LY9: variants seen among roughly 807,000 people sequenced by gnomAD.
LY9 encodes the protein lymphocyte antigen 9.
A neutral mutation model predicts 64.6 loss-of-function variants in LY9; 59 were observed. The ratio of observed to expected loss-of-function variants is 0.91; its 90% CI spans 0.74 to 1.13. The LOEUF (loss-of-function observed/expected upper bound fraction) is 1.13, where lower values mean the gene tolerates loss of function less well. Among genes scored for constraint, LY9 ranks in the 50% most tolerant of loss-of-function variants. The pLI is 0.00. For synonymous variants in LY9, 281 were observed against 308.5 expected, an observed-to-expected ratio of 0.91 and a Z score of 0.93; for missense variants, 789 against 797.2, an observed-to-expected ratio of 0.99 and a Z score of 0.12.
At position 160,823,671 on chromosome 1, in the gene LY9, G is replaced by A. The variant is rs141288656; in HGVS notation, c.1705G>A (p.Glu569Lys). ...RYEVFDQVTQ[E>K]GAGHDPAPEG... ...TGAGGTATTTGACCAGGTCACTCAG[G>A]AGGGCGCTGGACATGACCCAGCCCC... The change falls in exon 8 of 10, where the codon GAG (glutamate) becomes AAG (lysine). Residue 569 changes from glutamate (E) to lysine (K), a missense_variant. Glu to Lys is a moderately conservative substitution (Grantham distance 56). Coordinates refer to ENST00000263285, the MANE Select transcript of LY9 (RefSeq NM_002348.4). 8.7e-6 allele frequency: 14 copies of A among 1,613,994 alleles called. No homozygotes were observed. In the African/African-American group the frequency reaches 1.6e-4, roughly 18 times the overall value.
intron 2 of LY9, among the ~76,000 whole-genome samples, chr1:160,801,127 T>C (rs1368675081): frequency 6.6e-6 from 1 of 152,244 alleles, no homozygotes; most frequent in Non-Finnish European, 1.5e-5. Context: ...TGTTTAGTTT[T>C]TTGAGAAATC....
chr1:160,797,032 A>C, intron 1 of LY9: 3 of 748,310 alleles, frequency 4.0e-6, no homozygotes, highest in Non-Finnish European at 4.9e-6. Context: ...GGGGACCTGG[A>C]CGCGGTTAGG....
At chr1:160,809,230 G>A (rs1482866503) in intron 2 of LY9, among the ~76,000 whole-genome samples, 7 of 150,458 alleles carry the variant, frequency 4.7e-5, no homozygotes, top group African/African-American at 1.7e-4. Context: ...ACATCACCTA[G>A]GCTTGCCTCC....
At chr1:160,797,072 A>G in intron 1 of LY9, 1 of 982,144 alleles carries the variant, frequency 1.0e-6, no homozygotes, top group Non-Finnish European at 1.2e-6. Flanking sequence ...GTTTATCTGG[A>G]TATCCTTTTC....
intron 4 of LY9, 34 bp downstream of exon 4, chr1:160,814,795 T>G: frequency 1.9e-6 from 3 of 1,559,640 alleles, no homozygotes; most frequent in Non-Finnish European, 2.6e-6. Flanking sequence ...ATCACCAGAT[T>G]CCTTCTCTGA....
In LY9 at chr1:160,819,361, A is replaced by C; in HGVS notation, c.1485A>C (p.Pro495=). The C allele has an allele frequency of 6.2e-7, 1 of 1,613,572 alleles. No individual in the cohort carries two copies. The highest frequency in any genetic ancestry group is 8.5e-7 in the Non-Finnish European group (1 of 1,179,552). Residue 495 remains proline (P), a synonymous_variant, in exon 7 of 10, where the codon CCA becomes CCC. Coordinates refer to ENST00000263285, the MANE Select transcript of LY9 (RefSeq NM_002348.4). ...TCTGTTCCAGCCAAGCTGAGGCCCCAGCGGATACACCAGGTAACATCACCC... is the reference window on the plus strand; with the variant it reads ...TCTGTTCCAGCCAAGCTGAGGCCCCCGCGGATACACCAGGTAACATCACCC... The part of the protein sequence containing the change: ...PAFCSSQAEA[P]ADTPEPTAGH...
chr1:160,801,372 T>A (rs533711822), intron 2 of LY9, among the ~76,000 whole-genome samples: 1 of 152,362 alleles, frequency 6.6e-6, no homozygotes, highest in South Asian at 2.1e-4. Flanking sequence ...TTGAGAAATG[T>A]CTGTATCCTT....
chr1:160,802,539 G>GTT (rs1212400822), intron 2 of LY9: 1 of 985,498 alleles, frequency 1.0e-6, no homozygotes, highest in African/African-American at 1.7e-5. Flanking sequence ...GTCAGTGTTT[G>GTT]TTTTTCCAAG....
chr1:160,827,190 T>G (rs1316522466), intron 9 of LY9, among the ~76,000 whole-genome samples: 2 of 152,224 alleles, frequency 1.3e-5, no homozygotes, highest in East Asian at 3.8e-4. Context: ...TATACCTCTC[T>G]GTACAACATC....
chr1:160,824,383 C>T (rs962632910), intron 9 of LY9, 134 bp downstream of exon 9: 11 of 1,458,108 alleles, frequency 7.5e-6, no homozygotes, highest in Non-Finnish European at 9.9e-6. Context: ...CCCTCAGATA[C>T]ATTCCATGGT....
chr1:160,796,398 G>GT, intron 1 of LY9, 87 bp downstream of exon 1: 4 of 1,260,054 alleles, frequency 3.2e-6, no homozygotes, highest in Non-Finnish European at 4.3e-6. Flanking sequence ...TCTTTTTTTT[G>GT]TTTTTTGTTT....
chr1:160,814,799 T>C (rs900116921), intron 4 of LY9, 38 bp downstream of exon 4: 17 of 1,546,148 alleles, frequency 1.1e-5, no homozygotes, highest in South Asian at 2.3e-5. Context: ...CCAGATTCCT[T>C]CTCTGAAAGC....
At chr1:160,801,106 T>C (rs1012532725) in intron 2 of LY9, among the ~76,000 whole-genome samples, 3 of 152,260 alleles carry the variant, frequency 2.0e-5, no homozygotes, top group Admixed American at 6.5e-5. Flanking sequence ...CTGGATCAAA[T>C]GCTAATTAAA....
At position 160,827,878 on chromosome 1, in the gene LY9, A is replaced by C; in HGVS notation, c.*62A>C. ...GGGGTTGGAAAGTCAGCTGGACCTC[A>C]TGGGGCCTGGGGCTCACAGACAGAA... is the stretch of plus-strand genomic sequence containing the variant. On this transcript the variant is annotated 3_prime_UTR_variant, in exon 10 of 10. Coordinates refer to ENST00000263285, the MANE Select transcript of LY9 (RefSeq NM_002348.4). The C allele has an allele frequency of 4.3e-6, 6 of 1,381,966 alleles. No individual in the cohort carries two copies. In the South Asian group the frequency reaches 7.3e-5, roughly 17 times the overall value. The allele number at this position is 1,381,966 out of a possible 1,614,324, so 85.6% of individuals were successfully genotyped here. A position where few individuals can be genotyped will look rare whatever the true frequency, so the allele number is the denominator to read the frequency against.
intron 2 of LY9, among the ~76,000 whole-genome samples, chr1:160,800,403 C>T (rs1666342456): frequency 6.6e-6 from 1 of 152,146 alleles, no homozygotes; most frequent in Admixed American, 6.5e-5. Context: ...TCCACTTCCA[C>T]ATGATCAAAA....
At chr1:160,811,651 C>A (rs1667483673) in intron 2 of LY9, 1 of 152,228 alleles carries the variant, frequency 6.6e-6, no homozygotes, top group Non-Finnish European at 1.5e-5. Flanking sequence ...TGGCCGAGTT[C>A]TTTGCCACTT....
At chr1:160,798,306 G>A (rs1335449188) in intron 1 of LY9, among the ~76,000 whole-genome samples, 1 of 152,126 alleles carries the variant, frequency 6.6e-6, no homozygotes, top group Non-Finnish European at 1.5e-5. Context: ...GGGCATCATG[G>A]ACATAGGATC....
chr1:160,821,158 A>AAAAAAC (rs1460817119), intron 7 of LY9, among the ~76,000 whole-genome samples: 1 of 150,398 alleles, frequency 6.6e-6, no homozygotes, highest in African/African-American at 2.5e-5. Context: ...TGCTAAAAAA[A>AAAAAAC]AAAAAAAAAA....
intron 7 of LY9, among the ~76,000 whole-genome samples, chr1:160,819,874 A>AGGGAGGGG (rs1668278782): frequency 1.5e-5 from 1 of 64,998 alleles, no homozygotes; most frequent in Admixed American, 1.8e-4. Flanking sequence ...GGAGGGAGGG[A>AGGGAGGGG]GGGAGGGAAT....
Sources: gnomAD v4.1 joint callset for allele counts (sites outside exome capture counted in the v4.1 genomes callset) on GRCh38, gnomAD v4.1.1 for gene constraint, MANE v1.5 for transcripts, NCBI Gene and HGNC (gene_info 2026-07-23, HGNC 2026-07-21) for gene names.